The following CETP variants were observed in gnomAD, a reference collection of about 807,000 sequenced individuals.
CETP encodes cholesteryl ester transfer protein.
CETP carries 56 observed loss-of-function variants against 66.5 expected under a neutral mutation model. That is an observed-to-expected ratio of 0.84 (90% CI 0.68 to 1.05). CETP has a LOEUF of 1.05. CETP is among the 50% of genes least tolerant of loss of function. The pLI is 0.00. For missense variants in CETP, 612 were observed against 609.6 expected, an observed-to-expected ratio of 1.00 and a Z score of -0.04; for synonymous variants, 251 against 245.7, an observed-to-expected ratio of 1.02 and a Z score of -0.20.
At chr16:56,963,212 G>C in intron 2 of CETP, 88 bp downstream of exon 2, 1 of 1,031,296 alleles carries the variant, frequency 9.7e-7, no homozygotes. Context: ...AGGGAGGAAA[G>C]GCAGCAGCTG....
In CETP at chr16:56,975,170, T is replaced by C. The variant is rs760364917; in HGVS notation, c.981+19T>C. 3.7e-6 allele frequency: 6 copies of C among 1,612,774 alleles called. No homozygotes were observed. The highest frequency in any genetic ancestry group is 3.4e-6 in the Non-Finnish European group (4 of 1,178,878). ...CCAAGAGGTAACTGCCCCCTGCCCC[T>C]GTGTGGGGTTTATCTCACGTACCCC... On this transcript the variant is annotated intron_variant, in intron 10 of 15. Transcript: ENST00000200676.
intron 2 of CETP, among the ~76,000 whole-genome samples, chr16:56,964,539 G>A (rs748485527): frequency 5.3e-5 from 8 of 152,076 alleles, no homozygotes; most frequent in Non-Finnish European, 8.8e-5. Context: ...TCTGTGTGTC[G>A]GTCTGAGGCC....
At chr16:56,978,354 T>C in intron 11 of CETP, 99 bp downstream of exon 11, 1 of 1,375,492 alleles carries the variant, frequency 7.3e-7, no homozygotes, top group South Asian at 1.2e-5. Flanking sequence ...TCCAGATCCT[T>C]CTCACCACCT....
chr16:56,971,611 A>G (rs1251812335), intron 7 of CETP, among the ~76,000 whole-genome samples: 3 of 152,236 alleles, frequency 2.0e-5, no homozygotes, highest in Non-Finnish European at 4.4e-5. Context: ...AACTCAGGAC[A>G]AATGGGTGAT....
At position 56,983,366 on chromosome 16, in the gene CETP, C is replaced by G; in HGVS notation, c.1362C>G (p.Gly454=). ...VVFTALMNSK[G]VSLFDIINPE... is the part of the protein sequence containing the mutation. ...TTACAGCCCTCATGAACAGCAAAGG[C>G]GTGAGCCTCTTCGACATCATCAACC... Residue 454 remains glycine (G), a synonymous_variant, in exon 15 of 16, where the codon GGC becomes GGG. Coordinates refer to ENST00000200676, the MANE Select transcript of CETP (RefSeq NM_000078.3). The G allele has an allele frequency of 6.2e-7, 1 of 1,614,228 alleles. No homozygotes were observed. Among genetic ancestry groups the G allele is most frequent in the Non-Finnish European group, 8.5e-7 (1 of 1,180,034 alleles).
intron 2 of CETP, among the ~76,000 whole-genome samples, chr16:56,967,914 A>G (rs538153933): frequency 3.8e-4 from 57 of 151,908 alleles, no homozygotes; most frequent in African/African-American, 1.3e-3. Flanking sequence ...AACTGTGATT[A>G]CACAACTGCA....
At chr16:56,976,067 A>T (rs2056148085) in intron 10 of CETP, among the ~76,000 whole-genome samples, 1 of 152,076 alleles carries the variant, frequency 6.6e-6, no homozygotes, top group African/African-American at 2.4e-5. Context: ...CAGGCCCCTG[A>T]CCGGCTCTTC....
rs2056113173 is a variant in CETP, at chr16:56,971,927, G to C, written c.659-65G>C. On this transcript the variant is annotated intron_variant, in intron 7 of 15. Transcript: ENST00000200676. ...AGGGTTGGGTAGCTGTGTGGATGCA[G>C]GGGAGCGGTGACTCAGGGCAATTCC... 1.3e-5 allele frequency: 18 copies of C among 1,376,080 alleles called. 1 individual carries two copies. The highest frequency in any genetic ancestry group is 9.9e-5 in the African/African-American group (7 of 70,542). The allele number at this position is 1,376,080 out of a possible 1,614,324, so 85.2% of individuals were successfully genotyped here. A position where few individuals can be genotyped will look rare whatever the true frequency, so the allele number is the denominator to read the frequency against.
chr16:56,968,471 G>A (rs1211756316), intron 2 of CETP, among the ~76,000 whole-genome samples: 3 of 152,172 alleles, frequency 2.0e-5, no homozygotes, highest in Non-Finnish European at 2.9e-5. Context: ...ACAGGTGTGA[G>A]CCACCACGCT....
In CETP at chr16:56,963,027, A is replaced by G. The variant is rs775077692; in HGVS notation, c.136A>G (p.Lys46Glu). Residue 46 changes from lysine (K) to glutamate (E), a missense_variant, in exon 2 of 16, where the codon AAG (lysine) becomes GAG (glutamate). Transcript: ENST00000200676. ...ALLVLNHETA[K>E]VIQTAFQRAS... is the part of the protein sequence containing the mutation. ...CCCTCTAGTGAACCACGAGACTGCC[A>G]AGGTGATCCAGACCGCCTTCCAGCG... 1.2e-6 allele frequency: 2 copies of G among 1,614,016 alleles called. No homozygotes were observed. The highest frequency in any genetic ancestry group is 1.7e-6 in the Non-Finnish European group (2 of 1,179,994).
chr16:56,974,952 C>A (rs2056139032), intron 9 of CETP, 149 bp from the exon 10 acceptor site: 1 of 716,646 alleles, frequency 1.4e-6, no homozygotes, highest in Non-Finnish European at 2.5e-6. Context: ...CCACACCCTG[C>A]CCAGAGCATC....
chr16:56,971,146 A>C (rs2056106900), intron 6 of CETP, 44 bp downstream of exon 6: 1 of 1,579,808 alleles, frequency 6.3e-7, no homozygotes, highest in Admixed American at 1.7e-5. Flanking sequence ...GGCCATGCCC[A>C]GGAGGCTGGA....
At chr16:56,971,291 C>T in intron 6 of CETP, 30 bp from the exon 7 acceptor site, 1 of 1,611,854 alleles carries the variant, frequency 6.2e-7, no homozygotes, top group Non-Finnish European at 8.5e-7. Flanking sequence ...TCCTTTCCTG[C>T]CTGGAAAGCA....
In CETP at chr16:56,969,639, G is replaced by A. The variant is rs150236668; in HGVS notation, c.397G>A (p.Glu133Lys). 249 of 1,614,038 alleles carry A rather than the reference G, an allele frequency of 1.5e-4. No individual in the cohort carries two copies. Among genetic ancestry groups the A allele is most frequent in the Non-Finnish European group, 2.0e-4 (233 of 1,179,992 alleles). Reference protein sequence around the residue: ...WLGIDQSIDFEIDSAIDLQIN... With the variant: ...WLGIDQSIDFKIDSAIDLQIN... The stretch of plus-strand genomic sequence containing the variant: ...GGGTATTGATCAGTCCATTGACTTC[G>A]AGATCGACTCTGCCATTGACCTCCA... Residue 133 changes from glutamate (E) to lysine (K), a missense_variant, in exon 4 of 16, where the codon GAG (glutamate) becomes AAG (lysine). Transcript: ENST00000200676.
chr16:56,971,691 G>A (rs1360976943), intron 7 of CETP, among the ~76,000 whole-genome samples: 4 of 152,190 alleles, frequency 2.6e-5, no homozygotes, highest in African/African-American at 7.2e-5. Flanking sequence ...TTGCTCACAT[G>A]GCTGGGCACT....
chr16:56,979,119 G>A (rs915625948), intron 11 of CETP, among the ~76,000 whole-genome samples: 3 of 152,198 alleles, frequency 2.0e-5, no homozygotes, highest in South Asian at 2.1e-4. Flanking sequence ...GAGCCACCAC[G>A]CCCAGCCAAT....
At chr16:56,977,202 C>T (rs1268722210) in intron 10 of CETP, among the ~76,000 whole-genome samples, 1 of 152,176 alleles carries the variant, frequency 6.6e-6, no homozygotes, top group East Asian at 1.9e-4. Flanking sequence ...TGAGCTCCCG[C>T]ACCCCGCCGG....
Position 56,972,683 on chromosome 16 carries a change from C to A in CETP, c.750+600C>A, listed in dbSNP as rs540113213. On this transcript the variant is annotated intron_variant, in intron 8 of 15. Coordinates refer to ENST00000200676, the MANE Select transcript of CETP (RefSeq NM_000078.3). Reference sequence around the variant, plus strand: ...CACAGCCCGTTGGCCTGAACCTGATCGCAGGACCCCACCCTAGCTGCAAGG... The same window carrying A: ...CACAGCCCGTTGGCCTGAACCTGATAGCAGGACCCCACCCTAGCTGCAAGG... Among the ~76,000 whole-genome samples, 5 of 152,304 alleles carry A rather than the reference C, an allele frequency of 3.3e-5. No homozygotes were observed. In the South Asian group the frequency reaches 1.0e-3, roughly 32 times the overall value.
In CETP at chr16:56,975,157, T is replaced by C; in HGVS notation, c.981+6T>C. 3 of 1,613,920 alleles carry C rather than the reference T, an allele frequency of 1.9e-6. No homozygotes were observed. The highest frequency in any genetic ancestry group is 2.2e-5 in the East Asian group (1 of 44,892). ...ACCAGGAAATCTTCCAAGAGGTAAC[T>C]GCCCCCTGCCCCTGTGTGGGGTTTA... On this transcript the variant is annotated splice_donor_region_variant and intron_variant, in intron 10 of 15. Coordinates refer to ENST00000200676, the MANE Select transcript of CETP (RefSeq NM_000078.3).
Sources: gnomAD v4.1 joint callset for allele counts (sites outside exome capture counted in the v4.1 genomes callset) on GRCh38, gnomAD v4.1.1 for gene constraint, MANE v1.5 for transcripts, NCBI Gene and HGNC (gene_info 2026-07-23, HGNC 2026-07-21) for gene names.